The following PUM2 variants were observed in gnomAD, a reference collection of about 807,000 sequenced individuals.
The protein encoded by PUM2 is pumilio RNA binding family member 2, also known as pumilio homolog 2.
In PUM2, 57 loss-of-function variants were observed where a neutral mutation model predicts 124.5. That is an observed-to-expected ratio of 0.46 (90% CI 0.37 to 0.57). The LOEUF is 0.57. Ranked by LOEUF, PUM2 falls within the 20% of genes least tolerant of loss-of-function variation. PUM2 has a pLI of 0.00. For missense variants in PUM2, 1,065 were observed against 1,290.6 expected (o/e 0.83, Z 2.68); for synonymous variants, 460 against 446.1 (o/e 1.03, Z -0.39).
chr2:20,330,720 A>C (rs577047816), intron 1 of PUM2, among the ~76,000 whole-genome samples: 29 of 152,328 alleles, frequency 1.9e-4, no homozygotes, highest in African/African-American at 6.0e-4. Flanking sequence ...TGTTCTAGCA[A>C]ATTAATTGAC....
chr2:20,323,022 G>C (rs1331242356), intron 2 of PUM2, among the ~76,000 whole-genome samples: 1 of 152,136 alleles, frequency 6.6e-6, no homozygotes, highest in Non-Finnish European at 1.5e-5. Context: ...AAGTAGTACT[G>C]TACAGAAGTA....
chr2:20,278,205 A>G (rs927211950), intron 13 of PUM2, among the ~76,000 whole-genome samples: 1 of 152,198 alleles, frequency 6.6e-6, no homozygotes, highest in African/African-American at 2.4e-5. Context: ...CTAGTTCAGT[A>G]GCTATGTAAC....
intron 3 of PUM2, among the ~76,000 whole-genome samples, chr2:20,314,440 A>C (rs907427387): frequency 6.6e-6 from 1 of 152,224 alleles, no homozygotes. Flanking sequence ...GGTAGTATTT[A>C]AGATCTGAGA....
intron 13 of PUM2, among the ~76,000 whole-genome samples, chr2:20,272,203 A>G (rs1343972521): frequency 6.6e-6 from 1 of 151,908 alleles, no homozygotes; most frequent in African/African-American, 2.4e-5. Context: ...ATAAATAAAT[A>G]AATAGAAAAG....
At chr2:20,262,890 G>T (rs960324810) in intron 14 of PUM2, among the ~76,000 whole-genome samples, 1 of 152,018 alleles carries the variant, frequency 6.6e-6, no homozygotes, top group Non-Finnish European at 1.5e-5. Context: ...CACCATGAGG[G>T]TCACTTAAGC....
At chr2:20,300,612 G>A (rs2148391593) in intron 7 of PUM2, among the ~76,000 whole-genome samples, 1 of 152,242 alleles carries the variant, frequency 6.6e-6, no homozygotes, top group East Asian at 1.9e-4. Context: ...GTTGAGTCCT[G>A]TTTTTAGCTA....
chr2:20,303,267 C>T (rs986978345), intron 7 of PUM2, among the ~76,000 whole-genome samples: 2 of 149,486 alleles, frequency 1.3e-5, no homozygotes, highest in Non-Finnish European at 3.0e-5. Context: ...AAGTCCTCCT[C>T]CTCCGCTTTA....
chr2:20,278,686 A>T lies in PUM2; in HGVS notation c.1854T>A (p.Ser618=), dbSNP rs1171904412. ...PFYNSLGFSS[S]PSPIGMPLPS... is the part of the protein sequence containing the mutation. The stretch of plus-strand genomic sequence containing the variant: ...GCAGAGGCATGCCTATTGGACTTGG[A>T]GAGGAGGAAAATCCCAGACTATTGT... The change falls in exon 13 of 21, where the codon TCT becomes TCA. Residue 618 remains serine (S), a synonymous_variant. Transcript: ENST00000361078. 2.5e-5 allele frequency: 41 copies of T among 1,613,416 alleles called. No individual in the cohort carries two copies. The highest frequency in any genetic ancestry group is 3.2e-5 in the Non-Finnish European group (38 of 1,179,682).
At chr2:20,333,839 G>C (rs1231489840) in intron 1 of PUM2, among the ~76,000 whole-genome samples, 1 of 152,108 alleles carries the variant, frequency 6.6e-6, no homozygotes, top group East Asian at 1.9e-4. Context: ...CTGGATCATG[G>C]GGGCGGAGTT....
At chr2:20,291,735 C>A (rs753312715) in intron 9 of PUM2, among the ~76,000 whole-genome samples, 17 of 151,988 alleles carry the variant, frequency 1.1e-4, no homozygotes, top group Non-Finnish European at 1.9e-4. Context: ...CTTTTCATGT[C>A]TTTTATTGCC....
At chr2:20,329,158 A>C (rs190661097) in intron 1 of PUM2, among the ~76,000 whole-genome samples, 3 of 148,426 alleles carry the variant, frequency 2.0e-5, no homozygotes, top group Non-Finnish European at 4.5e-5. Flanking sequence ...TGGGCGACAG[A>C]GCAAGACCCT....
Position 20,289,626 on chromosome 2 carries a change from C to T in PUM2, c.1291+1026G>A, listed in dbSNP as rs573576658. ...CAGCAGGATGAAAATCTCTTTATCC[C>T]GTGAACCAGACAAGATGATAAATTC... On this transcript the variant is annotated intron_variant, in intron 10 of 20. Coordinates refer to ENST00000361078, the MANE Select transcript of PUM2 (RefSeq NM_015317.5). Among the ~76,000 whole-genome samples, 59 of 152,224 alleles carry T rather than the reference C, an allele frequency of 3.9e-4. 1 individual carries two copies. The South Asian group carries it at 0.011, about 29-fold the overall frequency.
chr2:20,300,725 G>T (rs973991418), intron 7 of PUM2, among the ~76,000 whole-genome samples: 1 of 150,712 alleles, frequency 6.6e-6, no homozygotes, highest in African/African-American at 2.5e-5. Context: ...GCTGGGAACT[G>T]CACTGGGCAA....
intron 13 of PUM2, among the ~76,000 whole-genome samples, chr2:20,267,614 T>G (rs926484963): frequency 1.3e-5 from 2 of 152,192 alleles, no homozygotes; most frequent in African/African-American, 4.8e-5. Context: ...ATTTCGTCAT[T>G]CAGTCCCCAC....
intron 10 of PUM2, among the ~76,000 whole-genome samples, chr2:20,286,553 G>T (rs1209449045): frequency 6.6e-6 from 1 of 152,164 alleles, no homozygotes; most frequent in Non-Finnish European, 1.5e-5. Context: ...ATGAGTCTCT[G>T]AGGTTATCAA....
At chr2:20,340,050 A>G (rs1176291281) in intron 1 of PUM2, among the ~76,000 whole-genome samples, 1 of 151,758 alleles carries the variant, frequency 6.6e-6, no homozygotes, top group African/African-American at 2.4e-5. Context: ...ATTTGACAGT[A>G]TGCTGTGATA....
At chr2:20,294,349 G>T (rs766097048) in intron 9 of PUM2, 27 bp downstream of exon 9, 72 of 1,608,910 alleles carry the variant, frequency 4.5e-5, no homozygotes, top group Non-Finnish European at 5.9e-5. Flanking sequence ...AGAATACTTG[G>T]TATTACTTAA....
intron 4 of PUM2, 70 bp downstream of exon 4, chr2:20,312,166 A>T: frequency 7.3e-7 from 1 of 1,368,238 alleles, no homozygotes; most frequent in Non-Finnish European, 9.9e-7. Context: ...AAATTGAATT[A>T]AAAATAAAAG....
intron 7 of PUM2, among the ~76,000 whole-genome samples, chr2:20,300,984 A>G (rs1160556942): frequency 1.3e-5 from 2 of 152,226 alleles, no homozygotes; most frequent in East Asian, 3.8e-4. Context: ...AAAACTAATC[A>G]GAAACTCAAA....
Sources: allele counts gnomAD v4.1 joint callset (sites outside exome capture counted in the v4.1 genomes callset), GRCh38; gene constraint gnomAD v4.1.1; transcripts MANE v1.5; gene names NCBI Gene and HGNC (gene_info 2026-07-23, HGNC 2026-07-21).